UNC13C: variants seen among roughly 807,000 people sequenced by gnomAD.
The protein encoded by UNC13C is unc-13 homolog C.
UNC13C carries 174 observed loss-of-function variants against 245.4 expected under a neutral mutation model. The observed-to-expected ratio is 0.71, with a 90% CI of 0.63 to 0.80. The LOEUF is 0.80. Ranked by LOEUF, UNC13C falls within the 30% of genes least tolerant of loss-of-function variation. The pLI is 0.00. For missense variants in UNC13C, 2,829 were observed against 2,602.9 expected (o/e 1.09, Z -1.89); for synonymous variants, 992 against 895.1 (o/e 1.11, Z -1.93).
chr15:53,899,397 T>G, the UNC13C span, among the ~76,000 whole-genome samples: 1 of 152,358 alleles, frequency 6.6e-6, no homozygotes, highest in African/African-American at 2.4e-5. Flanking sequence ...CCACTTTCCT[T>G]GCAAATTAAA....
At chr15:53,899,955 C>T in the UNC13C span, among the ~76,000 whole-genome samples, 4 of 152,140 alleles carry the variant, frequency 2.6e-5, no homozygotes, top group African/African-American at 7.2e-5. Flanking sequence ...GATAACTACC[C>T]CACCCTAGAG....
At position 54,013,558 on chromosome 15, in the gene UNC13C, C is replaced by T. The variant is rs1398625382; in HGVS notation, c.655C>T (p.Arg219Ter). ...AAGTAAGTCTTTGGACAGAACTGTC[C>T]GAAACCCAAAGACAAATGCCCTGGA... is the stretch of plus-strand genomic sequence containing the variant. ...IRSKSLDRTV[R>*]NPKTNALEPG... Residue 219 changes from arginine to a stop codon, truncating the protein, a stop_gained, in exon 2 of 33, where the codon CGA becomes TGA. Coordinates refer to ENST00000260323, the MANE Select transcript of UNC13C (RefSeq NM_001080534.3). LOFTEE classifies it high-confidence loss of function. The T allele has an allele frequency of 8.7e-6, 14 of 1,613,650 alleles. No homozygotes were observed. The highest frequency in any genetic ancestry group is 1.2e-5 in the Non-Finnish European group (14 of 1,179,814).
the UNC13C span, among the ~76,000 whole-genome samples, chr15:53,934,819 A>G: frequency 6.6e-6 from 1 of 152,162 alleles, no homozygotes; most frequent in East Asian, 1.9e-4. Context: ...ATTGTAGAGG[A>G]GGTGAGGATG....
At chr15:53,850,005 A>C in the UNC13C span, among the ~76,000 whole-genome samples, 1 of 152,160 alleles carries the variant, frequency 6.6e-6, no homozygotes, top group Non-Finnish European at 1.5e-5. Flanking sequence ...TGTAGATACA[A>C]GTTTCTTTTT....
intron 1 of UNC13C, among the ~76,000 whole-genome samples, chr15:53,991,029 C>A: frequency 6.6e-6 from 1 of 152,006 alleles, no homozygotes; most frequent in East Asian, 1.9e-4. Context: ...CACCTACTTC[C>A]ATTCCTTGGT....
chr15:54,399,835 C>A lies in UNC13C; in HGVS notation c.4847+6654C>A, dbSNP rs143730428. Among the ~76,000 whole-genome samples the A allele has an allele frequency of 4.3e-4, 65 of 151,838 alleles. No individual in the cohort carries two copies. The East Asian group carries it at 5.0e-3, about 12-fold the overall frequency. On this transcript the variant is annotated intron_variant, in intron 18 of 32. Transcript: ENST00000260323. Reference sequence around the variant, plus strand: ...TAAGCGACTTTGATCAGGGATTTGTCCTTTGTTCTTTCTGTTTTGGAAATA... The same window carrying A: ...TAAGCGACTTTGATCAGGGATTTGTACTTTGTTCTTTCTGTTTTGGAAATA...
intron 24 of UNC13C, among the ~76,000 whole-genome samples, chr15:54,513,019 C>A (rs1293443853): frequency 2.0e-5 from 3 of 152,112 alleles, no homozygotes; most frequent in African/African-American, 7.2e-5. Flanking sequence ...GCCTTCATTG[C>A]AATCTCAGTT....
chr15:53,849,669 A>C, the UNC13C span, among the ~76,000 whole-genome samples: 1 of 152,142 alleles, frequency 6.6e-6, no homozygotes, highest in Non-Finnish European at 1.5e-5. Flanking sequence ...AATGAAGACA[A>C]GTAAGCCATT....
chr15:54,544,281 T>A (rs1190069920), intron 26 of UNC13C, among the ~76,000 whole-genome samples: 1 of 152,166 alleles, frequency 6.6e-6, no homozygotes, highest in Admixed American at 6.6e-5. Context: ...AAAATAGGTA[T>A]TGATGGAACG....
chr15:53,866,216 A>C, the UNC13C span, among the ~76,000 whole-genome samples: 1 of 152,228 alleles, frequency 6.6e-6, no homozygotes, highest in African/African-American at 2.4e-5. Flanking sequence ...GGCAGTGAAG[A>C]CAAAACATTA....
At chr15:54,473,011 C>G (rs985565831) in intron 19 of UNC13C, among the ~76,000 whole-genome samples, 1 of 151,570 alleles carries the variant, frequency 6.6e-6, no homozygotes, top group Non-Finnish European at 1.5e-5. Flanking sequence ...TTTTCCCTCT[C>G]TCCCCCACCC....
intron 26 of UNC13C, among the ~76,000 whole-genome samples, chr15:54,546,025 G>C (rs1896468308): frequency 6.6e-6 from 1 of 152,154 alleles, no homozygotes; most frequent in Non-Finnish European, 1.5e-5. Context: ...GCACACATAA[G>C]TTTATTGCAG....
At chr15:54,170,479 G>A (rs1298960804) in intron 4 of UNC13C, among the ~76,000 whole-genome samples, 15 of 152,032 alleles carry the variant, frequency 9.9e-5, no homozygotes, top group Admixed American at 8.5e-4. Context: ...TTCAAACAAC[G>A]TCATTATCAT....
At chr15:54,259,739 G>A (rs1290322309) in intron 8 of UNC13C, among the ~76,000 whole-genome samples, 1 of 152,164 alleles carries the variant, frequency 6.6e-6, no homozygotes, top group Non-Finnish European at 1.5e-5. Context: ...TGGCATTCAT[G>A]TTCTTGCTTT....
Position 54,480,275 on chromosome 15 carries a change from A to C in UNC13C, c.4934-14333A>C, listed in dbSNP as rs79468727. 3.5e-3 allele frequency among the ~76,000 whole-genome samples: 533 copies of C among 151,578 alleles called. 3 individuals are homozygous for C. Among genetic ancestry groups the C allele is most frequent in the African/African-American group, 0.012 (518 of 41,492 alleles). On this transcript the variant is annotated intron_variant, in intron 19 of 32. Transcript: ENST00000260323. ...GGTCTTTATTATTTATTTATTATTT[A>C]AGCTATTATATTTAATAATATAAAA...
the UNC13C span, among the ~76,000 whole-genome samples, chr15:53,957,440 G>A: frequency 1.3e-5 from 2 of 152,056 alleles, no homozygotes; most frequent in Non-Finnish European, 2.9e-5. Flanking sequence ...ACCAAAAATG[G>A]GAACATTCTC....
chr15:54,201,983 A>T (rs1186877329), intron 4 of UNC13C, among the ~76,000 whole-genome samples: 1 of 152,086 alleles, frequency 6.6e-6, no homozygotes, highest in Non-Finnish European at 1.5e-5. Flanking sequence ...ATATAAAATC[A>T]ATGTACACAA....
chr15:54,126,530 A>G (rs1277223099), intron 2 of UNC13C, among the ~76,000 whole-genome samples: 5 of 152,114 alleles, frequency 3.3e-5, no homozygotes, highest in African/African-American at 1.2e-4. Context: ...TGAGACTTAA[A>G]CTCCCATACT....
At chr15:54,324,993 A>G (rs1052703739) in intron 14 of UNC13C, among the ~76,000 whole-genome samples, 1 of 152,012 alleles carries the variant, frequency 6.6e-6, no homozygotes. Flanking sequence ...ATCAGCTATC[A>G]TTAGTGTTAG....
Sources: allele counts gnomAD v4.1 joint callset (sites outside exome capture counted in the v4.1 genomes callset), GRCh38; gene constraint gnomAD v4.1.1; transcripts MANE v1.5; gene names NCBI Gene and HGNC (gene_info 2026-07-23, HGNC 2026-07-21).